RAB38: variants seen among roughly 807,000 people sequenced by gnomAD.
The protein encoded by RAB38 is ras-related protein Rab-38.
In RAB38, 15 loss-of-function variants were observed where a neutral mutation model predicts 18.4. That is an observed-to-expected ratio of 0.82 (90% CI 0.55 to 1.26). The LOEUF (loss-of-function observed/expected upper bound fraction) is 1.26, where lower values mean the gene tolerates loss of function less well. Among genes scored for constraint, RAB38 ranks in the 50% most tolerant of loss-of-function variants. RAB38 has a pLI of 0.00. For synonymous variants in RAB38, 101 were observed against 104.4 expected (o/e 0.97, Z 0.20); for missense variants, 294 against 267.4 (o/e 1.10, Z -0.69).
chr11:88,088,812 A>G, the RAB38 span, among the ~76,000 whole-genome samples: 1 of 151,932 alleles, frequency 6.6e-6, no homozygotes, highest in African/African-American at 2.4e-5. Flanking sequence ...AAATAAGGTT[A>G]CACATCAAGA....
chr11:88,138,775 ATTC>A (rs542321660), intron 2 of RAB38, among the ~76,000 whole-genome samples: 8 of 69,694 alleles, frequency 1.1e-4, no homozygotes, highest in East Asian at 6.3e-4. Flanking sequence ...TTTTATTATT[ATTC>A]TTTTTTTTTT....
chr11:87,847,561 G>T, the RAB38 span, among the ~76,000 whole-genome samples: 1 of 152,022 alleles, frequency 6.6e-6, no homozygotes, highest in African/African-American at 2.4e-5. Flanking sequence ...TTCACTGTGG[G>T]GTTGGCATTG....
the RAB38 span, among the ~76,000 whole-genome samples, chr11:88,041,675 T>A: frequency 6.6e-6 from 1 of 152,156 alleles, no homozygotes; most frequent in Admixed American, 6.5e-5. Flanking sequence ...TGAGAAAAAT[T>A]TTAATTACTT....
the RAB38 span, among the ~76,000 whole-genome samples, chr11:88,090,553 T>A: frequency 6.6e-6 from 1 of 151,770 alleles, no homozygotes; most frequent in African/African-American, 2.4e-5. Context: ...GAAGTATTTT[T>A]ATTAAAGCAT....
chr11:88,097,968 C>T, the RAB38 span: 1 of 151,854 alleles, frequency 6.6e-6, no homozygotes, highest in African/African-American at 2.4e-5. Flanking sequence ...CTCTTCTTTC[C>T]AAAGTCAGCC....
chr11:87,865,126 G>T, the RAB38 span, among the ~76,000 whole-genome samples: 1 of 151,744 alleles, frequency 6.6e-6, no homozygotes, highest in Admixed American at 6.6e-5. Context: ...TGGAGGAAAT[G>T]GGGGAAAAGG....
chr11:87,879,495 G>A, the RAB38 span: 1 of 151,542 alleles, frequency 6.6e-6, no homozygotes, highest in East Asian at 2.0e-4. Flanking sequence ...ATGGGAACTC[G>A]GAGCTTTACT....
At chr11:87,844,297 C>T in the RAB38 span, among the ~76,000 whole-genome samples, 18 of 152,268 alleles carry the variant, frequency 1.2e-4, no homozygotes, top group East Asian at 7.7e-4. Flanking sequence ...GTTTAACCCA[C>T]GAGAATGCCA....
At chr11:88,030,597 C>T in the RAB38 span, among the ~76,000 whole-genome samples, 1 of 152,180 alleles carries the variant, frequency 6.6e-6, no homozygotes, top group African/African-American at 2.4e-5. Flanking sequence ...AATACAAAAA[C>T]ACCTCTACGC....
At chr11:87,930,996 C>A in the RAB38 span, among the ~76,000 whole-genome samples, 1 of 152,034 alleles carries the variant, frequency 6.6e-6, no homozygotes, top group African/African-American at 2.4e-5. Context: ...AGTCAGGTAG[C>A]GTGATGCCTC....
At chr11:87,936,181 C>T in the RAB38 span, among the ~76,000 whole-genome samples, 3 of 151,858 alleles carry the variant, frequency 2.0e-5, no homozygotes, top group African/African-American at 7.2e-5. Flanking sequence ...TTTTATGGAT[C>T]GTGCTTTTGG....
chr11:88,081,651 T>C, the RAB38 span, among the ~76,000 whole-genome samples: 1 of 151,892 alleles, frequency 6.6e-6, no homozygotes, highest in South Asian at 2.1e-4. Context: ...GCTCCTTCTG[T>C]ATTTCATAGA....
chr11:87,844,587 CCTGT>C, the RAB38 span, among the ~76,000 whole-genome samples: 1 of 152,084 alleles, frequency 6.6e-6, no homozygotes, highest in Admixed American at 6.6e-5. Context: ...TGTTCTATTC[CCTGT>C]CTAATTTATC....
the RAB38 span, among the ~76,000 whole-genome samples, chr11:87,873,723 A>G: frequency 1.3e-5 from 2 of 151,284 alleles, no homozygotes; most frequent in Non-Finnish European, 3.0e-5. Flanking sequence ...TCCTTTTTCC[A>G]TTGAATTGTT....
chr11:87,843,071 C>A, the RAB38 span, among the ~76,000 whole-genome samples: 1 of 152,158 alleles, frequency 6.6e-6, no homozygotes, highest in East Asian at 1.9e-4. Context: ...ATTTTCTCAG[C>A]TCCCAGACTC....
At chr11:88,039,808 G>C in the RAB38 span, among the ~76,000 whole-genome samples, 52 of 152,288 alleles carry the variant, frequency 3.4e-4, 1 homozygote, top group East Asian at 6.8e-3. Context: ...AAAGAACTAT[G>C]ACCTTTTAAG....
At chr11:88,066,954 G>A in the RAB38 span, among the ~76,000 whole-genome samples, 1 of 152,174 alleles carries the variant, frequency 6.6e-6, no homozygotes, top group Admixed American at 6.5e-5. Context: ...CTCTAGTGAT[G>A]TCTTTCATTA....
the RAB38 span, among the ~76,000 whole-genome samples, chr11:87,964,711 TA>T: frequency 9.9e-5 from 15 of 152,052 alleles, no homozygotes; most frequent in African/African-American, 3.1e-4. Flanking sequence ...ACTAATGGGC[TA>T]GGAAAAAAAA....
chr11:87,827,100 G>A, the RAB38 span, among the ~76,000 whole-genome samples: 8 of 152,030 alleles, frequency 5.3e-5, no homozygotes, highest in Non-Finnish European at 1.0e-4. Flanking sequence ...GCCTCTGGTC[G>A]TCAAACAGGG....
Sources: gnomAD v4.1 joint callset for allele counts (sites outside exome capture counted in the v4.1 genomes callset) on GRCh38, gnomAD v4.1.1 for gene constraint, MANE v1.5 for transcripts, NCBI Gene and HGNC (gene_info 2026-07-23, HGNC 2026-07-21) for gene names.